Variants in THUMPD2 observed in about 807,000 individuals in gnomAD.
The protein encoded by THUMPD2 is U6 snRNA (guanine-N(2))-methyltransferase THUMPD2.
THUMPD2 carries 56 observed loss-of-function variants against 49.4 expected under a neutral mutation model. The observed-to-expected ratio is 1.13, with a 90% confidence interval of 0.91 to 1.41. The LOEUF is 1.41. Ranked by LOEUF, THUMPD2 falls within the 40% of genes most tolerant of loss-of-function variation. THUMPD2 has a pLI of 0.00. For synonymous variants in THUMPD2, 237 were observed against 205.2 expected (o/e 1.15, Z -1.32); for missense variants, 709 against 594.5 (o/e 1.19, Z -2.00).
chr2:39,777,464 TTC>T (rs1022945194), intron 1 of THUMPD2, among the ~76,000 whole-genome samples: 1 of 152,216 alleles, frequency 6.6e-6, no homozygotes, highest in South Asian at 2.1e-4. Flanking sequence ...AGTCCCAATT[TTC>T]TCTTTTTTTG....
chr2:39,741,534 GC>G (rs1200149254), intron 9 of THUMPD2, among the ~76,000 whole-genome samples: 4 of 152,058 alleles, frequency 2.6e-5, no homozygotes, highest in African/African-American at 9.7e-5. Context: ...TTTTAATTTT[GC>G]TCATGTATTT....
intron 6 of THUMPD2, among the ~76,000 whole-genome samples, chr2:39,756,188 C>G (rs1426882846): frequency 2.0e-5 from 3 of 152,044 alleles, no homozygotes; most frequent in African/African-American, 4.8e-5. Flanking sequence ...GGAAAAATCC[C>G]TAAGTCTACA....
intron 9 of THUMPD2, among the ~76,000 whole-genome samples, chr2:39,743,876 G>T (rs970429980): frequency 6.6e-6 from 1 of 152,162 alleles, no homozygotes; most frequent in Non-Finnish European, 1.5e-5. Flanking sequence ...AATGGACAAA[G>T]ACAACAATAA....
At chr2:39,738,045 A>G (rs1455601229) in intron 9 of THUMPD2, among the ~76,000 whole-genome samples, 1 of 152,178 alleles carries the variant, frequency 6.6e-6, no homozygotes, top group Admixed American at 6.5e-5. Flanking sequence ...CCTTGAGGTA[A>G]AGATACAGTA....
intron 4 of THUMPD2, among the ~76,000 whole-genome samples, chr2:39,766,954 T>C (rs1572856820): frequency 1.3e-5 from 2 of 152,202 alleles, no homozygotes; most frequent in South Asian, 2.1e-4. Flanking sequence ...TTTATTAGAA[T>C]TGTTTTCTAT....
At chr2:39,773,576 T>TTTTAAAAATATATTTATA (rs1489598244) in intron 1 of THUMPD2, among the ~76,000 whole-genome samples, 3 of 31,806 alleles carry the variant, frequency 9.4e-5, no homozygotes, top group South Asian at 8.7e-4. Context: ...TATATTTATA[T>TTTTAAAAATATATTTATA]TTTAAAAATA....
rs1206003792 is a variant in THUMPD2, at chr2:39,759,585, A to G, written c.891+1746T>C. 3.9e-5 allele frequency among the ~76,000 whole-genome samples: 6 copies of G among 152,300 alleles called. No individual in the cohort carries two copies. In the East Asian group the frequency reaches 9.6e-4, roughly 24 times the overall value. ...ACAAGGTCTGGGCTAAATAGAAAAG[A>G]CATATACATAAGCATGTTCTGGTGA... is the stretch of plus-strand genomic sequence containing the variant. On this transcript the variant is annotated intron_variant, in intron 6 of 9. Coordinates refer to ENST00000505747, the MANE Select transcript of THUMPD2 (RefSeq NM_025264.5).
intron 8 of THUMPD2, among the ~76,000 whole-genome samples, chr2:39,748,831 T>C (rs182625722): frequency 6.6e-6 from 1 of 151,950 alleles, no homozygotes; most frequent in East Asian, 1.9e-4. Flanking sequence ...AAAAGAAAAT[T>C]AGCCAGGCAT....
intron 4 of THUMPD2, among the ~76,000 whole-genome samples, chr2:39,767,938 CCATA>C (rs202063050): frequency 0.011 from 1,621 of 152,114 alleles, 32 homozygotes; most frequent in African/African-American, 0.037. Context: ...TTTTGTTTCC[CCATA>C]CAAATACTTG....
chr2:39,758,407 G>C (rs1676403392), intron 6 of THUMPD2, among the ~76,000 whole-genome samples: 1 of 152,158 alleles, frequency 6.6e-6, no homozygotes, highest in African/African-American at 2.4e-5. Context: ...CAGACCTAGA[G>C]GCAACTGGCG....
intron 1 of THUMPD2, among the ~76,000 whole-genome samples, chr2:39,773,948 A>G (rs750683655): frequency 2.0e-5 from 3 of 152,250 alleles, no homozygotes; most frequent in Non-Finnish European, 4.4e-5. Context: ...TTTCATTATG[A>G]TATTGATAAG....
chr2:39,765,856 T>C (rs1048708225), intron 5 of THUMPD2, among the ~76,000 whole-genome samples: 2 of 152,218 alleles, frequency 1.3e-5, no homozygotes, highest in African/African-American at 4.8e-5. Context: ...GACCAAATAT[T>C]TCCCAGCTCT....
intron 8 of THUMPD2, among the ~76,000 whole-genome samples, chr2:39,749,773 C>T (rs1022517037): frequency 1.3e-5 from 2 of 151,864 alleles, no homozygotes; most frequent in African/African-American, 4.8e-5. Flanking sequence ...CTCCCCCTGA[C>T]AGACCCCTGT....
At chr2:39,765,406 C>T (rs934711359) in intron 5 of THUMPD2, among the ~76,000 whole-genome samples, 1 of 152,070 alleles carries the variant, frequency 6.6e-6, no homozygotes, top group Admixed American at 6.5e-5. Context: ...GATCTGCCTG[C>T]CTCGGCGTCC....
chr2:39,747,545 T>G (rs1283469705), intron 8 of THUMPD2, among the ~76,000 whole-genome samples: 2 of 152,208 alleles, frequency 1.3e-5, no homozygotes, highest in Non-Finnish European at 2.9e-5. Flanking sequence ...CTTTATTTTA[T>G]ATGAAAATTA....
intron 8 of THUMPD2, among the ~76,000 whole-genome samples, chr2:39,753,958 G>C (rs1227648042): frequency 6.6e-6 from 1 of 151,968 alleles, no homozygotes; most frequent in Non-Finnish European, 1.5e-5. Context: ...CCTTTAAAAA[G>C]CACACACACA....
intron 8 of THUMPD2, 21 bp downstream of exon 8, chr2:39,755,274 T>G: frequency 7.2e-7 from 1 of 1,385,000 alleles, no homozygotes; most frequent in East Asian, 2.5e-5. Flanking sequence ...TCTCAATTGT[T>G]TTGCATTTTT....
chr2:39,761,983 C>T (rs1167483487), intron 5 of THUMPD2, among the ~76,000 whole-genome samples: 2 of 152,166 alleles, frequency 1.3e-5, no homozygotes, highest in Admixed American at 6.5e-5. Context: ...CAAATGAGTT[C>T]ACTGGTCTCC....
chr2:39,754,885 G>A (rs1327338164), intron 8 of THUMPD2, among the ~76,000 whole-genome samples: 1 of 152,170 alleles, frequency 6.6e-6, no homozygotes, highest in Non-Finnish European at 1.5e-5. Context: ...CACGGATACT[G>A]TCTAATGTGA....
Sources: allele counts gnomAD v4.1 joint callset (sites outside exome capture counted in the v4.1 genomes callset), GRCh38; gene constraint gnomAD v4.1.1; transcripts MANE v1.5; gene names NCBI Gene and HGNC (gene_info 2026-07-23, HGNC 2026-07-21).